Variants in PGPEP1L observed in about 807,000 individuals in gnomAD.
PGPEP1L encodes pyroglutamyl-peptidase 1-like protein.
Under a neutral mutation model 6.0 loss-of-function variants are expected in PGPEP1L, and 7 were observed. The observed-to-expected ratio is 1.17, with a 90% CI of 0.66 to 2.19. The LOEUF (loss-of-function observed/expected upper bound fraction) is 2.19. Among genes scored for constraint, PGPEP1L ranks in the 30% most tolerant of loss-of-function variants. The probability of loss-of-function intolerance (pLI) is 0.00; values close to 1 mark genes in which losing one functional copy is unlikely to be tolerated. For missense variants in PGPEP1L, 209 were observed against 192.5 expected (o/e 1.09, Z -0.51); for synonymous variants, 103 against 83.9 (o/e 1.23, Z -1.24).
intron 2 of PGPEP1L, among the ~76,000 whole-genome samples, chr15:98,979,987 G>A (rs1318481196): frequency 6.6e-6 from 1 of 152,136 alleles, no homozygotes; most frequent in Non-Finnish European, 1.5e-5. Context: ...AAGCTATGAG[G>A]ATGCAAAGGC....
intron 2 of PGPEP1L, among the ~76,000 whole-genome samples, chr15:98,983,056 G>C: frequency 1.3e-5 from 2 of 151,858 alleles, no homozygotes; most frequent in Middle Eastern, 6.8e-3. Flanking sequence ...AACCCACTCT[G>C]GACTAATTGG....
chr15:99,002,152 C>G (rs1255268811), intron 2 of PGPEP1L, among the ~76,000 whole-genome samples: 2 of 152,148 alleles, frequency 1.3e-5, no homozygotes, highest in Admixed American at 1.3e-4. Context: ...GCTGGGACCA[C>G]AGGTGCATGC....
chr15:98,993,878 A>C (rs1238440275), intron 2 of PGPEP1L, among the ~76,000 whole-genome samples: 1 of 152,170 alleles, frequency 6.6e-6, no homozygotes, highest in East Asian at 1.9e-4. Context: ...AAAACAACAA[A>C]AAAAGTTACT....
chr15:99,001,515 T>A (rs536477463), intron 2 of PGPEP1L, among the ~76,000 whole-genome samples: 5 of 152,338 alleles, frequency 3.3e-5, no homozygotes, highest in African/African-American at 1.2e-4. Context: ...GTGACTATAC[T>A]GAGCCACTGA....
intron 2 of PGPEP1L, among the ~76,000 whole-genome samples, chr15:98,979,700 G>C (rs2017629807): frequency 8.0e-6 from 1 of 124,914 alleles, no homozygotes; most frequent in Non-Finnish European, 1.6e-5. Context: ...ACCCAGGCTG[G>C]CGTGCCATGG....
intron 2 of PGPEP1L, 60 bp downstream of exon 2, chr15:99,005,369 A>G (rs1266109273): frequency 6.6e-6 from 1 of 152,538 alleles, no homozygotes; most frequent in Non-Finnish European, 1.5e-5. Context: ...GCCAGTGCGC[A>G]TTCCAGGGGC....
At chr15:98,998,726 C>A (rs534925993) in intron 2 of PGPEP1L, among the ~76,000 whole-genome samples, 2 of 152,210 alleles carry the variant, frequency 1.3e-5, no homozygotes, top group South Asian at 4.1e-4. Flanking sequence ...GCCTGTAATC[C>A]CAGCAATTTG....
At chr15:98,992,288 A>G (rs1404289908) in intron 2 of PGPEP1L, among the ~76,000 whole-genome samples, 1 of 152,220 alleles carries the variant, frequency 6.6e-6, no homozygotes, top group Non-Finnish European at 1.5e-5. Flanking sequence ...ATTTACAAGC[A>G]TTCCTATACA....
At position 99,005,190 on chromosome 15, in the gene PGPEP1L, G is replaced by A. The variant is rs1191766925; in HGVS notation, c.-142+239C>T. Among the ~76,000 whole-genome samples, 4 of 152,208 alleles carry A rather than the reference G, an allele frequency of 2.6e-5. No individual in the cohort carries two copies. The South Asian group carries it at 8.3e-4, about 32-fold the overall frequency. On this transcript the variant is annotated intron_variant, in intron 2 of 4. Transcript: ENST00000535714. ...AGCCACCAGTGGCACCTTCGTGCCC[G>A]CCACTCGAGAGTTACTTGAAGCGAA... is the stretch of plus-strand genomic sequence containing the variant.
rs768021665 is a variant in PGPEP1L at position 98,968,632 on chromosome 15, T to C, written c.275A>G (p.His92Arg). The change falls in exon 5 of 5, where the codon CAT (histidine) becomes CGT (arginine). Residue 92 changes from histidine (H) to arginine (R), a missense_variant. By Grantham distance (29) the His-to-Arg change is conservative. Coordinates refer to ENST00000535714, the MANE Select transcript of PGPEP1L (RefSeq NM_001167902.2). ...GAGCCCGCGCGATAGTGGAGGGACA[T>C]GGATGAGTGCCGCGCAGCCCTTTCC... The part of the protein sequence containing the change: ...HHGKGCAALI[H>R]VPPLSRGLPA... The C allele has an allele frequency of 3.1e-5, 49 of 1,602,268 alleles. No individual in the cohort carries two copies. The highest frequency in any genetic ancestry group is 4.0e-5 in the African/African-American group (3 of 74,810).
intron 1 of PGPEP1L, among the ~76,000 whole-genome samples, chr15:99,006,854 T>C (rs1555473715): frequency 2.0e-5 from 3 of 152,094 alleles, no homozygotes; most frequent in East Asian, 1.9e-4. Context: ...TGAAGCTGTA[T>C]ATTAAGAGGA....
At chr15:99,000,480 G>A (rs2017949765) in intron 2 of PGPEP1L, among the ~76,000 whole-genome samples, 1 of 152,170 alleles carries the variant, frequency 6.6e-6, no homozygotes, top group Admixed American at 6.5e-5. Flanking sequence ...GTCTGGTGGG[G>A]ATGGAGAACC....
intron 2 of PGPEP1L, among the ~76,000 whole-genome samples, chr15:98,988,856 G>A (rs1394207798): frequency 1.3e-5 from 2 of 152,116 alleles, no homozygotes; most frequent in Admixed American, 6.6e-5. Context: ...GTGAACCTCC[G>A]GCAAACTCCA....
chr15:98,997,005 T>G (rs1407823615), intron 2 of PGPEP1L, among the ~76,000 whole-genome samples: 1 of 152,194 alleles, frequency 6.6e-6, no homozygotes, highest in Non-Finnish European at 1.5e-5. Flanking sequence ...TGACTTGTCT[T>G]GGGTCTCGCA....
intron 2 of PGPEP1L, among the ~76,000 whole-genome samples, chr15:98,977,934 C>T (rs577379449): frequency 2.6e-5 from 4 of 152,310 alleles, no homozygotes; most frequent in East Asian, 1.9e-4. Flanking sequence ...AATTGCTACA[C>T]GACATTCTGA....
rs370165105 is a variant in PGPEP1L at position 98,968,525 on chromosome 15, G to A, written c.382C>T (p.Gln128Ter). 6.2e-7 allele frequency: 1 copy of A among 1,613,504 alleles called. No individual in the cohort carries two copies. Among genetic ancestry groups the A allele is most frequent in the African/African-American group, 1.3e-5 (1 of 74,864 alleles). Residue 128 changes from glutamine (Q) to a stop codon, truncating the protein, a stop_gained, in exon 5 of 5, where the codon CAG becomes TAG. Coordinates refer to ENST00000535714, the MANE Select transcript of PGPEP1L (RefSeq NM_001167902.2). LOFTEE classifies it low-confidence loss of function (END_TRUNC). ...EEVGKPKHRA[Q>*]FEENSTMVLP... is the part of the protein sequence containing the mutation. ...ACCATGGTTGAGTTTTCTTCGAACT[G>A]GGCTCTGTGCTTGGGCTTTCCCACC... is the stretch of plus-strand genomic sequence containing the variant.
intron 2 of PGPEP1L, among the ~76,000 whole-genome samples, chr15:98,987,918 TGA>T (rs1286227171): frequency 6.6e-6 from 1 of 152,092 alleles, no homozygotes; most frequent in Non-Finnish European, 1.5e-5. Context: ...AGGGAAGCTG[TGA>T]GAGACTGTAC....
chr15:98,994,499 A>G (rs28368178), intron 2 of PGPEP1L, among the ~76,000 whole-genome samples: 1 of 150,468 alleles, frequency 6.6e-6, no homozygotes, highest in African/African-American at 2.4e-5. Context: ...AATAAAAAAT[A>G]AAAAAATTAG....
In PGPEP1L at chr15:98,984,896, C is replaced by T. The variant is rs959949316; in HGVS notation, c.-141-13738G>A. Among the ~76,000 whole-genome samples the T allele has an allele frequency of 5.9e-5, 9 of 152,104 alleles. No individual in the cohort carries two copies. In the East Asian group the frequency reaches 7.8e-4, roughly 13 times the overall value. ...GCAAGGACGGTGGAGAAGACAAACT[C>T]GACTGGCAGAGGGTACCGGAACCCT... On this transcript the variant is annotated intron_variant, in intron 2 of 4. Coordinates refer to ENST00000535714, the MANE Select transcript of PGPEP1L (RefSeq NM_001167902.2).
Sources: gnomAD v4.1 joint callset for allele counts (sites outside exome capture counted in the v4.1 genomes callset) on GRCh38, gnomAD v4.1.1 for gene constraint, MANE v1.5 for transcripts, NCBI Gene and HGNC (gene_info 2026-07-23, HGNC 2026-07-21) for gene names.